Variants in NEK4 observed in about 807,000 individuals in gnomAD.
NEK4 encodes the protein serine/threonine-protein kinase Nek4.
In NEK4, 86 loss-of-function variants were observed where a neutral mutation model predicts 98.4. That is an observed-to-expected ratio of 0.87 (90% CI 0.73 to 1.05). NEK4 has a LOEUF of 1.05. Among genes scored for constraint, NEK4 ranks in the 50% least tolerant of loss-of-function variants. The pLI is 0.00. For missense variants in NEK4, 898 were observed against 950.3 expected, an observed-to-expected ratio of 0.94 and a Z score of 0.72; for synonymous variants, 328 against 342.2, an observed-to-expected ratio of 0.96 and a Z score of 0.46.
chr3:52,722,213 C>A (rs2097360756), intron 15 of NEK4, among the ~76,000 whole-genome samples: 2 of 152,180 alleles, frequency 1.3e-5, no homozygotes, highest in African/African-American at 4.8e-5. Flanking sequence ...CTGCTGATAG[C>A]TGTTTCATCA....
chr3:52,757,549 C>A (rs1317144925), intron 6 of NEK4, among the ~76,000 whole-genome samples: 8 of 146,556 alleles, frequency 5.5e-5, no homozygotes, highest in Non-Finnish European at 1.0e-4. Flanking sequence ...CAGTGAGACT[C>A]CGTCTCAAAA....
At chr3:52,764,625 T>C (rs1434381133) in intron 4 of NEK4, among the ~76,000 whole-genome samples, 2 of 151,308 alleles carry the variant, frequency 1.3e-5, no homozygotes, top group Non-Finnish European at 1.5e-5. Flanking sequence ...AGTGAGACTC[T>C]GTCTCAAAAA....
intron 4 of NEK4, 68 bp from the exon 5 acceptor site, chr3:52,763,692 G>A: frequency 8.4e-7 from 1 of 1,192,992 alleles, no homozygotes; most frequent in Non-Finnish European, 1.2e-6. Flanking sequence ...GCTGGTAGAG[G>A]TTTCCCAATA....
intron 15 of NEK4, among the ~76,000 whole-genome samples, chr3:52,718,080 T>G (rs1186921275): frequency 1.3e-5 from 2 of 152,032 alleles, no homozygotes; most frequent in Non-Finnish European, 2.9e-5. Context: ...AGGCGTGAGC[T>G]ACTGCACCTG....
At chr3:52,763,391 C>A in intron 5 of NEK4, 79 bp downstream of exon 5, 1 of 1,335,948 alleles carries the variant, frequency 7.5e-7, no homozygotes. Context: ...ACCATTAATT[C>A]TTGCATATGA....
chr3:52,725,148 G>A (rs1428306107), intron 15 of NEK4, among the ~76,000 whole-genome samples: 6 of 152,100 alleles, frequency 3.9e-5, no homozygotes, highest in African/African-American at 9.7e-5. Flanking sequence ...GCAATTTCAC[G>A]TTTTGTTTTC....
chr3:52,745,302 C>T (rs1391096323), intron 10 of NEK4, among the ~76,000 whole-genome samples: 8 of 150,706 alleles, frequency 5.3e-5, no homozygotes, highest in Non-Finnish European at 1.5e-5. Flanking sequence ...CTGCTGAGGC[C>T]GGGTGCGGTG....
At chr3:52,740,223 AT>A (rs1372069529) in intron 13 of NEK4, among the ~76,000 whole-genome samples, 1 of 152,198 alleles carries the variant, frequency 6.6e-6, no homozygotes, top group Non-Finnish European at 1.5e-5. Flanking sequence ...AAATCAGTTA[AT>A]AGAAACATAT....
chr3:52,718,762 C>CT (rs768013746), intron 15 of NEK4, among the ~76,000 whole-genome samples: 121 of 151,914 alleles, frequency 8.0e-4, no homozygotes, highest in Non-Finnish European at 1.4e-3. Flanking sequence ...ATGTTAGGCC[C>CT]TTTTTTTTGA....
intron 6 of NEK4, chr3:52,753,773 T>C (rs2097409695): frequency 1.9e-6 from 1 of 537,104 alleles, no homozygotes. Context: ...TGAATTTACC[T>C]TGGTTGCGGA....
intron 10 of NEK4, among the ~76,000 whole-genome samples, chr3:52,744,683 CAAAAAAAAAAAAA>C (rs567707729): frequency 1.2e-5 from 1 of 81,162 alleles, no homozygotes; most frequent in African/African-American, 5.6e-5. Context: ...GACTCCATCT[CAAAAAAAAAAAAA>C]AAAGAAAAAG....
intron 15 of NEK4, among the ~76,000 whole-genome samples, chr3:52,729,431 G>A (rs755412991): frequency 5.3e-5 from 8 of 151,916 alleles, no homozygotes; most frequent in East Asian, 1.9e-4. Context: ...AAAAAAGGGC[G>A]GGCACGGTGG....
intron 15 of NEK4, chr3:52,733,096 T>C (rs1463292257): frequency 2.2e-5 from 4 of 180,268 alleles, no homozygotes; most frequent in Admixed American, 6.0e-5. Flanking sequence ...AAGCACACAT[T>C]AGAGGAAAAA....
chr3:52,768,736 G>C lies in NEK4; in HGVS notation c.94-132C>G. On this transcript the variant is annotated intron_variant, in intron 1 of 15. Transcript: ENST00000233027. ...GCCTGTCAGATAACCTATTCATTTTGTTTTTCACCAAGCACAAAATCGGGG... is the reference window on the plus strand; with the variant it reads ...GCCTGTCAGATAACCTATTCATTTTCTTTTTCACCAAGCACAAAATCGGGG... 6 of 761,804 alleles carry C rather than the reference G, an allele frequency of 7.9e-6. No homozygotes were observed. In the South Asian group the frequency reaches 1.1e-4, roughly 14 times the overall value. 47.2% of individuals were successfully genotyped at this position (761,804 alleles called of 1,614,324 possible).
At chr3:52,731,165 G>A (rs575630814) in intron 15 of NEK4, among the ~76,000 whole-genome samples, 33 of 152,232 alleles carry the variant, frequency 2.2e-4, no homozygotes, top group Middle Eastern at 3.4e-3. Flanking sequence ...ATTAGGCTAC[G>A]GAAATGACTC....
At chr3:52,744,380 A>T in intron 10 of NEK4, 75 bp from the exon 11 acceptor site, 1 of 1,135,984 alleles carries the variant, frequency 8.8e-7, no homozygotes, top group South Asian at 1.2e-5. Flanking sequence ...ATGATGTATC[A>T]TTCAGCATTA....
In NEK4 at chr3:52,770,835, G is replaced by T; in HGVS notation, c.-89C>A. On this transcript the variant is annotated 5_prime_UTR_variant, in exon 1 of 16. Transcript: ENST00000233027. ...CAAGAAGCTCGGTTCATGCCCGAGA[G>T]GGGGCAGTGGGGGCGGCTGTTGAGG... The T allele has an allele frequency of 1.8e-6, 2 of 1,116,544 alleles. No individual in the cohort carries two copies. Among genetic ancestry groups the T allele is most frequent in the Middle Eastern group, 2.8e-4 (1 of 3,566 alleles). 69.2% of individuals were successfully genotyped at this position (1,116,544 alleles called of 1,614,324 possible).
chr3:52,717,948 C>T (rs1317621082), intron 15 of NEK4, among the ~76,000 whole-genome samples: 2 of 151,876 alleles, frequency 1.3e-5, no homozygotes, highest in Non-Finnish European at 2.9e-5. Context: ...CGTATGCCAC[C>T]ACACCAGGCT....
intron 4 of NEK4, 39 bp from the exon 5 acceptor site, chr3:52,763,663 C>A: frequency 6.8e-7 from 1 of 1,463,872 alleles, no homozygotes; most frequent in South Asian, 1.3e-5. Flanking sequence ...GACTAATGGT[C>A]TTGTGAAACA....
Sources: gnomAD v4.1 joint callset for allele counts (sites outside exome capture counted in the v4.1 genomes callset) on GRCh38, gnomAD v4.1.1 for gene constraint, MANE v1.5 for transcripts, NCBI Gene and HGNC (gene_info 2026-07-23, HGNC 2026-07-21) for gene names.